The following PHKA2 variants were observed in gnomAD, a reference collection of about 807,000 sequenced individuals.
PHKA2 encodes the protein phosphorylase b kinase regulatory subunit alpha, liver isoform.
Under a neutral mutation model 102.0 loss-of-function variants are expected in PHKA2, and 31 were observed. That is an observed-to-expected ratio of 0.30 (90% CI 0.23 to 0.41). PHKA2 has a LOEUF of 0.41. Ranked by LOEUF, PHKA2 falls within the 10% of genes least tolerant of loss-of-function variation. PHKA2 has a pLI of 1.00. For synonymous variants in PHKA2, 455 were observed against 416.2 expected, an observed-to-expected ratio of 1.09 and a Z score of -1.13; for missense variants, 858 against 1,023.1, an observed-to-expected ratio of 0.84 and a Z score of 2.20.
intron 11 of PHKA2, among the ~76,000 whole-genome samples, chrX:18,932,854 C>G (rs190836624): frequency 9.7e-4 from 109 of 111,932 alleles, no homozygotes; most frequent in African/African-American, 3.5e-3. Flanking sequence ...TGGCTCACAC[C>G]TGTAATCCCA....
chrX:18,971,688 T>C (rs1371211495), intron 1 of PHKA2, among the ~76,000 whole-genome samples: 2 of 112,835 alleles, frequency 1.8e-5, no homozygotes, highest in African/African-American at 3.2e-5. Flanking sequence ...TTTTGTATTA[T>C]AGATTGCTAA....
chrX:18,983,801 T>C (rs983038291), intron 1 of PHKA2, 54 bp downstream of exon 1: 26 of 982,221 alleles, frequency 2.6e-5, no homozygotes, highest in Non-Finnish European at 2.5e-5. Context: ...GGAAGGAGAA[T>C]GAGTTACATG....
intron 19 of PHKA2, among the ~76,000 whole-genome samples, chrX:18,911,395 A>C (rs2147871236): frequency 9.1e-6 from 1 of 109,413 alleles, no homozygotes; most frequent in African/African-American, 3.3e-5. Context: ...CTGATCTCGA[A>C]CTCCCGACCT....
At chrX:18,937,214 G>A (rs1031563773) in intron 10 of PHKA2, among the ~76,000 whole-genome samples, 9 of 109,614 alleles carry the variant, frequency 8.2e-5, no homozygotes, top group African/African-American at 2.7e-4. Context: ...AAGCATCTGC[G>A]ATGTCAGTCA....
intron 21 of PHKA2, 139 bp downstream of exon 21, chrX:18,908,662 A>G (rs1170987003): frequency 1.1e-5 from 6 of 543,757 alleles, no homozygotes; most frequent in Non-Finnish European, 1.9e-5. Flanking sequence ...ATGAGAAAAC[A>G]GGCCTTCCCA....
intron 27 of PHKA2, among the ~76,000 whole-genome samples, chrX:18,901,027 T>A (rs2047671815): frequency 9.2e-6 from 1 of 108,304 alleles, no homozygotes; most frequent in Admixed American, 9.9e-5. Context: ...TTTTTTTTTT[T>A]ACCAGGAATT....
At chrX:18,964,583 G>T (rs971951809) in intron 1 of PHKA2, among the ~76,000 whole-genome samples, 1 of 112,283 alleles carries the variant, frequency 8.9e-6, no homozygotes, top group African/African-American at 3.2e-5. Flanking sequence ...TTACAATAAC[G>T]CCAACAACTG....
chrX:18,906,022 C>T (rs1190096061), intron 25 of PHKA2, among the ~76,000 whole-genome samples, 163 bp from the exon 26 acceptor site: 1 of 111,595 alleles, frequency 9.0e-6, no homozygotes, highest in African/African-American at 3.3e-5. Flanking sequence ...TGCACTGTTC[C>T]GTGGGGATTC....
Position 18,897,202 on chromosome X carries a change from G to A in PHKA2, c.3243C>T (p.Pro1081=), listed in dbSNP as rs150764699. Residue 1081 remains proline (P), a synonymous_variant, in exon 30 of 33, where the codon CCC becomes CCT. Coordinates refer to ENST00000379942, the MANE Select transcript of PHKA2 (RefSeq NM_000292.3). ...TCCACACCCTCTGGTAGAATCCCACGGGGACCCTGTTGATGGCCCCATCCA... is the reference window on the plus strand; with the variant it reads ...TCCACACCCTCTGGTAGAATCCCACAGGGACCCTGTTGATGGCCCCATCCA... ...RRLDGAINRV[P]VGFYQRVWKI... 2,033 of 1,209,646 alleles carry A rather than the reference G, an allele frequency of 1.7e-3. 6 individuals are homozygous for A. The highest frequency in any genetic ancestry group is 2.1e-3 in the Non-Finnish European group (1,892 of 895,022).
chrX:18,901,328 CTGGGGACAGGGG>C (rs1323981187), intron 27 of PHKA2, among the ~76,000 whole-genome samples, 145 bp downstream of exon 27: 1 of 110,959 alleles, frequency 9.0e-6, no homozygotes, highest in African/African-American at 3.3e-5. Flanking sequence ...GAATATCTAT[CTGGGGACAGGGG>C]TGTGTTCAGA....
intron 5 of PHKA2, among the ~76,000 whole-genome samples, chrX:18,947,405 G>C (rs992753301): frequency 9.8e-5 from 11 of 112,073 alleles, no homozygotes; most frequent in Non-Finnish European, 1.9e-4. Flanking sequence ...TCGGAGGAAA[G>C]GGGGTTTATA....
Position 18,918,109 on chromosome X carries a change from C to T in PHKA2, c.2137+572G>A, listed in dbSNP as rs574260259. ...CAGTCAGCACAGATAGAAGGAGACT[C>T]GTGGACTCTAAGAAAGGCAGTGGAA... On this transcript the variant is annotated intron_variant, in intron 19 of 32. Coordinates refer to ENST00000379942, the MANE Select transcript of PHKA2 (RefSeq NM_000292.3). 8.1e-5 allele frequency among the ~76,000 whole-genome samples: 9 copies of T among 111,145 alleles called. No individual in the cohort carries two copies. In the South Asian group the frequency reaches 3.1e-3, roughly 38 times the overall value.
Position 18,901,610 on chromosome X carries a change from G to A in PHKA2, c.2909-7C>T. The A allele has an allele frequency of 6.3e-6, 7 of 1,108,247 alleles. No individual in the cohort carries two copies. Among genetic ancestry groups the A allele is most frequent in the Non-Finnish European group, 8.7e-6 (7 of 803,604 alleles). The allele number at this position is 1,108,247 out of a possible 1,213,427, so 91.3% of individuals were successfully genotyped here. On this transcript the variant is annotated splice_polypyrimidine_tract_variant and splice_region_variant and intron_variant, in intron 26 of 32. Transcript: ENST00000379942. The stretch of plus-strand genomic sequence containing the variant: ...GAGGAGTGGATAGGGCGCACTGGGT[G>A]GGAAACACACACACGTGGTTCTCAG...
intron 5 of PHKA2, among the ~76,000 whole-genome samples, chrX:18,946,964 C>A (rs968431279): frequency 9.2e-6 from 1 of 109,102 alleles, no homozygotes; most frequent in Non-Finnish European, 1.9e-5. Flanking sequence ...TGACCAGGTG[C>A]GACAACCAAA....
Position 18,893,015 on chromosome X carries a change from CACAG to C in PHKA2, c.*466_*469del, listed in dbSNP as rs1025039929. On this transcript the variant is annotated 3_prime_UTR_variant, in exon 33 of 33. Transcript: ENST00000379942. The stretch of plus-strand genomic sequence containing the variant: ...GTTCTATTTGGTGAAGAGTTTGGTG[CACAG>C]ACAGACTGCATCCTGTGAAGAGGTG... The C allele has an allele frequency of 3.6e-5, 6 of 166,128 alleles. No individual in the cohort carries two copies. Among genetic ancestry groups the C allele is most frequent in the Non-Finnish European group, 6.9e-5 (6 of 86,869 alleles). The allele number at this position is 166,128 out of a possible 1,213,427, so 13.7% of individuals were successfully genotyped here. A position where few individuals can be genotyped will look rare whatever the true frequency, so the allele number is the denominator to read the frequency against.
intron 19 of PHKA2, among the ~76,000 whole-genome samples, chrX:18,918,448 C>T (rs776310012): frequency 1.8e-5 from 2 of 111,625 alleles, no homozygotes; most frequent in South Asian, 7.6e-4. Flanking sequence ...CAACAAGTAC[C>T]GAATCAAGTC....
intron 31 of PHKA2, 146 bp downstream of exon 31, chrX:18,894,989 TGAG>T: frequency 1.7e-6 from 1 of 581,415 alleles, no homozygotes; most frequent in Admixed American, 2.5e-5. Context: ...TTGCCAAATA[TGAG>T]GGTGAAGGGG....
intron 1 of PHKA2, among the ~76,000 whole-genome samples, chrX:18,963,220 GGAAGGATATGT>G: frequency 1.8e-5 from 2 of 112,694 alleles, no homozygotes; most frequent in Middle Eastern, 4.6e-3. Context: ...CCAGCTGCAG[GGAAGGATATGT>G]GGTCCAGGCC....
chrX:18,905,325 C>T (rs2047788850), intron 26 of PHKA2, among the ~76,000 whole-genome samples: 1 of 111,993 alleles, frequency 8.9e-6, no homozygotes, highest in Non-Finnish European at 1.9e-5. Flanking sequence ...AGGCGCGCGC[C>T]ACCACGCCTG....
Sources: allele counts gnomAD v4.1 joint callset (sites outside exome capture counted in the v4.1 genomes callset), GRCh38; gene constraint gnomAD v4.1.1; transcripts MANE v1.5; gene names NCBI Gene and HGNC (gene_info 2026-07-23, HGNC 2026-07-21).